The following PER1 variants were observed in gnomAD, a reference collection of about 807,000 sequenced individuals.
The protein encoded by PER1 is period circadian protein homolog 1.
A neutral mutation model predicts 125.9 loss-of-function variants in PER1; 87 were observed. The ratio of observed to expected loss-of-function variants is 0.69; its 90% CI spans 0.58 to 0.83. PER1 has a LOEUF of 0.83. Among genes scored for constraint, PER1 ranks in the 40% least tolerant of loss-of-function variants. The pLI, the probability that PER1 is intolerant of heterozygous loss-of-function variation, is 0.00. For synonymous variants in PER1, 801 were observed against 714.7 expected, an observed-to-expected ratio of 1.12 and a Z score of -1.93; for missense variants, 1,775 against 1,722.8, an observed-to-expected ratio of 1.03 and a Z score of -0.54.
chr17:8,148,840 T>G, intron 7 of PER1, 54 bp from the exon 8 acceptor site: 1 of 1,597,076 alleles, frequency 6.3e-7, no homozygotes, highest in Non-Finnish European at 8.5e-7. Context: ...CACCCACTCC[T>G]CCAACAATAA....
At chr17:8,147,125 A>G in intron 13 of PER1, 123 bp from the exon 14 acceptor site, 1 of 1,416,006 alleles carries the variant, frequency 7.1e-7, no homozygotes, top group Non-Finnish European at 9.7e-7. Context: ...GAGCAGGACA[A>G]GAAGGAAAAG....
rs368814889 is a variant in PER1 at position 8,142,671 on chromosome 17, G to A, written c.3237C>T (p.Gly1079=). 1 of 1,613,874 alleles carries A rather than the reference G, an allele frequency of 6.2e-7. No individual in the cohort carries two copies. Among genetic ancestry groups the A allele is most frequent in the African/African-American group, 1.3e-5 (1 of 74,938 alleles). The change falls in exon 20 of 23, where the codon GGC becomes GGT. Residue 1079 remains glycine, a synonymous_variant. Coordinates refer to ENST00000317276, the MANE Select transcript of PER1 (RefSeq NM_002616.3). ...CACGAGTGATGCTGGCTGAGGTGCT[G>A]CCCCCTTCATGGGAGCCTGAACCAG... ...SGSGSGSHEG[G]STSASITRSS...
In PER1 at chr17:8,148,658, T is replaced by C. The variant is rs1382698581; in HGVS notation, c.1034A>G (p.His345Arg). The C allele has an allele frequency of 1.2e-6, 2 of 1,608,466 alleles. No individual in the cohort carries two copies. The highest frequency in any genetic ancestry group is 1.7e-6 in the Non-Finnish European group (2 of 1,178,126). The stretch of plus-strand genomic sequence containing the variant: ...GACCTGCCCACCTTCGTAACCCGAA[T>C]GGATGCGCTCTGCAATCAGCAGGCA... The part of the protein sequence containing the change: ...PCCLLIAERI[H>R]SGYEAPRIPP... Residue 345 changes from histidine (H) to arginine (R), a missense_variant, in exon 8 of 23, where the codon CAT (histidine) becomes CGT (arginine). Coordinates refer to ENST00000317276, the MANE Select transcript of PER1 (RefSeq NM_002616.3).
At chr17:8,143,108 G>A (rs561969448) in intron 19 of PER1, among the ~76,000 whole-genome samples, 158 bp downstream of exon 19, 5 of 152,048 alleles carry the variant, frequency 3.3e-5, no homozygotes, top group African/African-American at 7.2e-5. Context: ...CAAAGAGGAG[G>A]TAGCCAATTT....
In PER1 at chr17:8,141,241, C is replaced by T. The variant is rs367960198; in HGVS notation, c.3700G>A (p.Gly1234Ser). 1.9e-6 allele frequency: 3 copies of T among 1,614,076 alleles called. No homozygotes were observed. The highest frequency in any genetic ancestry group is 2.7e-5 in the African/African-American group (2 of 74,944). The change falls in exon 23 of 23, where the codon GGT (glycine) becomes AGT (serine). Residue 1234 changes from glycine to serine, a missense_variant. Gly to Ser is a moderately conservative substitution (Grantham distance 56). Coordinates refer to ENST00000317276, the MANE Select transcript of PER1 (RefSeq NM_002616.3). ...CCGCTGCTGCCCTGCTCGCCTCCAC[C>T]CTCTTCCATGGGCTCCAGCCCCAGT... ...DGLGLEPMEE[G>S]GGEQGSSGGG...
Position 8,146,453 on chromosome 17 carries a change from A to C in PER1, c.1957T>G (p.Ser653Ala), listed in dbSNP as rs1982445471. 1.8e-5 allele frequency: 29 copies of C among 1,613,520 alleles called. No homozygotes were observed. The highest frequency in any genetic ancestry group is 5.5e-5 in the South Asian group (5 of 91,020). Residue 653 changes from serine (S) to alanine (A), a missense_variant, in exon 16 of 23, where the codon TCC becomes GCC. Coordinates refer to ENST00000317276, the MANE Select transcript of PER1 (RefSeq NM_002616.3). ...GAGGAGGTGGTATAGGAGGAGGAGG[A>C]GGCACATTTACGCTTAGTGGTGCTG... Reference protein sequence around the residue: ...LPSTTKRKCASSSSYTTSSAS... With the variant: ...LPSTTKRKCAASSSYTTSSAS...
rs148963629 is a variant in PER1, at chr17:8,143,860, G to C, written c.2478C>G (p.Pro826=). Residue 826 remains proline, a synonymous_variant, in exon 19 of 23, where the codon CCC becomes CCG. Transcript: ENST00000317276. ...AGTGGTGTCGGCGGCTTGGGGGTGC[G>C]GGGCCGTGGTGGCAGCCTGTGGGGA... ...ALGERGCHHG[P]APPSRRHHCR... The C allele has an allele frequency of 6.2e-7, 1 of 1,610,402 alleles. No individual in the cohort carries two copies. The highest frequency in any genetic ancestry group is 1.1e-5 in the South Asian group (1 of 90,888).
rs746815666 is a variant in PER1, at chr17:8,144,926, G to GGGGCTGGGGGCT, written c.2274_2285dup (p.Ala759_Pro762dup). ...CTGGGGCTGGGTCAGGGGCTACTGT[G>GGGGCTGGGGGCT]GGGCTGGGGGCTGGGCTGGGGGCTG... On this transcript the variant is annotated inframe_insertion, in exon 18 of 23. Transcript: ENST00000317276. 3 of 1,526,168 alleles carry GGGGCTGGGGGCT rather than the reference G, an allele frequency of 2.0e-6. No individual in the cohort carries two copies. Among genetic ancestry groups the GGGGCTGGGGGCT allele is most frequent in the Middle Eastern group, 2.1e-4 (1 of 4,844 alleles). 94.5% of individuals were successfully genotyped at this position (1,526,168 alleles called of 1,614,324 possible). A position where few individuals can be genotyped will look rare whatever the true frequency, so the allele number is the denominator to read the frequency against.
Position 8,140,920 on chromosome 17 carries a change from A to C in PER1, c.*148T>G. 1 of 875,336 alleles carries C rather than the reference A, an allele frequency of 1.1e-6. No individual in the cohort carries two copies. The highest frequency in any genetic ancestry group is 1.8e-6 in the Non-Finnish European group (1 of 564,970). 54.2% of individuals were successfully genotyped at this position (875,336 alleles called of 1,614,324 possible). A position where few individuals can be genotyped will look rare whatever the true frequency, so the allele number is the denominator to read the frequency against. On this transcript the variant is annotated 3_prime_UTR_variant, in exon 23 of 23. Transcript: ENST00000317276. ...AGGCCAGAGGCAGCCCCTGGATCCT[A>C]GGCTGGTGATGGGGGTCCGGCCCCC... is the stretch of plus-strand genomic sequence containing the variant.
Position 8,143,653 on chromosome 17 carries a change from G to T in PER1, c.2685C>A (p.Pro895=). ...ATGTGGGAGCAGGGGGAAGAGGCTG[G>T]GGGCCTCCTCGAGGAGAGAACACTG... ...PLPVFSPRGG[P]QPLPPAPTSV... is the part of the protein sequence containing the mutation. The change falls in exon 19 of 23, where the codon CCC becomes CCA. Residue 895 remains proline (P), a synonymous_variant. Transcript: ENST00000317276. The T allele has an allele frequency of 6.8e-7, 1 of 1,459,952 alleles. No individual in the cohort carries two copies. The allele number at this position is 1,459,952 out of a possible 1,614,324, so 90.4% of individuals were successfully genotyped here. A position where few individuals can be genotyped will look rare whatever the true frequency, so the allele number is the denominator to read the frequency against.
At position 8,147,663 on chromosome 17, in the gene PER1, G is replaced by A. The variant is rs200460074; in HGVS notation, c.1388+11C>T. 2.3e-5 allele frequency: 37 copies of A among 1,613,924 alleles called. No individual in the cohort carries two copies. The highest frequency in any genetic ancestry group is 3.1e-5 in the Non-Finnish European group (36 of 1,180,004). The stretch of plus-strand genomic sequence containing the variant: ...ATCCCCAACGCCAGCTCGGGGGCAT[G>A]GCCCACTTACGTGCGTACTTTGTGG... On this transcript the variant is annotated intron_variant, in intron 11 of 22. Coordinates refer to ENST00000317276, the MANE Select transcript of PER1 (RefSeq NM_002616.3).
rs1372388179 is a variant in PER1 at position 8,150,610 on chromosome 17, G to C, written c.97C>G (p.His33Asp). 3 of 1,613,502 alleles carry C rather than the reference G, an allele frequency of 1.9e-6. No individual in the cohort carries two copies. Among genetic ancestry groups the C allele is most frequent in the African/African-American group, 1.3e-5 (1 of 74,920 alleles). Residue 33 changes from histidine to aspartate, a missense_variant, in exon 2 of 23, where the codon CAC becomes GAC. Physicochemically the swap from His to Asp is moderately conservative, Grantham distance 81. Coordinates refer to ENST00000317276, the MANE Select transcript of PER1 (RefSeq NM_002616.3). ...GGVPSPGPPQ[H>D]RPCPGPSLAD... Reference sequence around the variant, plus strand: ...AGGCTGGGGCCTGGGCAAGGCCGGTGCTGTGGGGGCCCAGGGGATGGGACG... The same window carrying C: ...AGGCTGGGGCCTGGGCAAGGCCGGTCCTGTGGGGGCCCAGGGGATGGGACG...
chr17:8,144,471 C>T, intron 18 of PER1: 2 of 491,616 alleles, frequency 4.1e-6, no homozygotes, highest in South Asian at 6.9e-5. Context: ...ACTTCCTGCC[C>T]CTGCCCCCAG....
chr17:8,151,441 G>A (rs2585399), intron 1 of PER1, among the ~76,000 whole-genome samples: 82,480 of 151,798 alleles, frequency 0.54, 22,924 homozygotes, highest in South Asian at 0.64. Flanking sequence ...TGGTGGGCGC[G>A]GCCGGGGGGG....
intron 20 of PER1, 89 bp downstream of exon 20, chr17:8,142,560 C>G: frequency 6.4e-7 from 1 of 1,567,426 alleles, no homozygotes. Flanking sequence ...ATCCCAGTGG[C>G]CTTAGGAAGC....
At position 8,150,113 on chromosome 17, in the gene PER1, T is replaced by C; in HGVS notation, c.387A>G (p.Ser129=). The C allele has an allele frequency of 1.2e-6, 2 of 1,614,040 alleles. No homozygotes were observed. Among genetic ancestry groups the C allele is most frequent in the East Asian group, 2.2e-5 (1 of 44,868 alleles). ...PSTSGCSSEQ[S]ARARTQKELM... ...GTTCCTTCTGAGTCCTTGCCCGGGC[T>C]GACTGTTCACTGCTGCGGGGCCCAC... is the stretch of plus-strand genomic sequence containing the variant. The change falls in exon 4 of 23, where the codon TCA becomes TCG. Residue 129 remains serine (S), a synonymous_variant. Coordinates refer to ENST00000317276, the MANE Select transcript of PER1 (RefSeq NM_002616.3).
At chr17:8,150,952 A>C (rs910425500) in intron 1 of PER1, 107 bp from the exon 2 acceptor site, 1 of 484,962 alleles carries the variant, frequency 2.1e-6, no homozygotes, top group African/African-American at 2.0e-5. Flanking sequence ...TGCAGGACTG[A>C]TGGGAGTGGA....
In PER1 at chr17:8,150,661, G is replaced by T; in HGVS notation, c.46C>A (p.Pro16Thr). Residue 16 changes from proline to threonine, a missense_variant, in exon 2 of 23, where the codon CCT becomes ACT. Physicochemically the swap from Pro to Thr is conservative, Grantham distance 38. Transcript: ENST00000317276. Reference sequence around the variant, plus strand: ...CCCCCAGGACAAAATGATTCCCCAGGCCTGGGGTCCCCTCCCCCATCAGCC... The same window carrying T: ...CCCCCAGGACAAAATGATTCCCCAGTCCTGGGGTCCCCTCCCCCATCAGCC... ...EGADGGGDPR[P>T]GESFCPGGVP... The T allele has an allele frequency of 6.3e-7, 1 of 1,599,032 alleles. No individual in the cohort carries two copies.
Position 8,147,459 on chromosome 17 carries a change from G to A in PER1, c.1497+11C>T, listed in dbSNP as rs1301673696. 23 of 1,612,970 alleles carry A rather than the reference G, an allele frequency of 1.4e-5. No individual in the cohort carries two copies. Among genetic ancestry groups the A allele is most frequent in the African/African-American group, 8.0e-5 (6 of 74,878 alleles). On this transcript the variant is annotated intron_variant, in intron 12 of 22. Coordinates refer to ENST00000317276, the MANE Select transcript of PER1 (RefSeq NM_002616.3). ...TTCTCACCTCCCAGGCTCCCTCTCCGCTACTCTCACCTGCAGCAGCAGCCG... is the reference window on the plus strand; with the variant it reads ...TTCTCACCTCCCAGGCTCCCTCTCCACTACTCTCACCTGCAGCAGCAGCCG...
Sources: gnomAD v4.1 joint callset for allele counts (sites outside exome capture counted in the v4.1 genomes callset) on GRCh38, gnomAD v4.1.1 for gene constraint, MANE v1.5 for transcripts, NCBI Gene and HGNC (gene_info 2026-07-23, HGNC 2026-07-21) for gene names.